UNC13D: variants seen among roughly 807,000 people sequenced by gnomAD.
UNC13D encodes unc-13 homolog D, also known as protein unc-13 homolog D.
UNC13D carries 115 observed loss-of-function variants against 151.7 expected under a neutral mutation model. The ratio of observed to expected loss-of-function variants is 0.76; its 90% CI spans 0.65 to 0.88. The LOEUF (loss-of-function observed/expected upper bound fraction) is 0.88. Among genes scored for constraint, UNC13D ranks in the 40% least tolerant of loss-of-function variants. UNC13D has a pLI of 0.00. For synonymous variants in UNC13D, 588 were observed against 612.2 expected, an observed-to-expected ratio of 0.96 and a Z score of 0.58; for missense variants, 1,369 against 1,438.7, an observed-to-expected ratio of 0.95 and a Z score of 0.78.
Position 75,833,262 on chromosome 17 carries a change from C to G in UNC13D, c.2368-217G>C. Reference sequence around the variant, plus strand: ...CTGGCCTCCTCTACAGCCCTGGAACCTTCCAGGCATGGTCCTGCCTCAGGG... The same window carrying G: ...CTGGCCTCCTCTACAGCCCTGGAACGTTCCAGGCATGGTCCTGCCTCAGGG... On this transcript the variant is annotated intron_variant, in intron 24 of 31. Coordinates refer to ENST00000207549, the MANE Select transcript of UNC13D (RefSeq NM_199242.3). This position sits in a 1 kb window ranked among gnomAD's most constrained non-coding sequence, Gnocchi z 4.0. 1 of 488,078 alleles carries G rather than the reference C, an allele frequency of 2.0e-6. No individual in the cohort carries two copies. The highest frequency in any genetic ancestry group is 3.2e-5 in the Admixed American group (1 of 31,358). The allele number at this position is 488,078 out of a possible 1,614,324, so 30.2% of individuals were successfully genotyped here. A position where few individuals can be genotyped will look rare whatever the true frequency, so the allele number is the denominator to read the frequency against.
chr17:75,829,715 C>T (rs1167664890), intron 30 of UNC13D: 16 of 351,060 alleles, frequency 4.6e-5, no homozygotes, highest in Non-Finnish European at 7.7e-5. Flanking sequence ...CTCAGCCTCC[C>T]GAGTAGCTGA....
rs1237420240 is a variant in UNC13D, at chr17:75,836,777, T to C, written c.1173+24A>G. ...CCTTCCCTGAGCCCTGCCTGCTCAG[T>C]GCCCCTTGCCACTGCATGCCTACCT... On this transcript the variant is annotated intron_variant, in intron 13 of 31. Transcript: ENST00000207549. The C allele has an allele frequency of 4.3e-6, 7 of 1,613,540 alleles. No individual in the cohort carries two copies. In the Admixed American group the frequency reaches 6.7e-5, roughly 15 times the overall value.
chr17:75,831,212 G>A (rs765733217), intron 26 of UNC13D, 31 bp downstream of exon 26: 31 of 1,614,002 alleles, frequency 1.9e-5, no homozygotes, highest in Non-Finnish European at 2.5e-5. Flanking sequence ...CCTCCCACCA[G>A]GGTTATCATT....
chr17:75,841,511 G>A (rs1267477307), intron 6 of UNC13D, among the ~76,000 whole-genome samples: 5 of 134,164 alleles, frequency 3.7e-5, no homozygotes, highest in South Asian at 2.4e-4. Context: ...GCGTGATCTC[G>A]GCTCACTGCA....
intron 25 of UNC13D, chr17:75,831,638 G>A (rs2064873430): frequency 4.1e-6 from 2 of 489,630 alleles, no homozygotes; most frequent in African/African-American, 1.9e-5. Flanking sequence ...AGACAGGGAG[G>A]AGGCCAGGCC....
chr17:75,842,050 T>C (rs1394677658), intron 6 of UNC13D, among the ~76,000 whole-genome samples: 1 of 152,036 alleles, frequency 6.6e-6, no homozygotes, highest in Non-Finnish European at 1.5e-5. Context: ...CCCGGCCTTT[T>C]TTGTATTTTT....
At chr17:75,843,996 T>C in intron 1 of UNC13D, 1 of 1,419,346 alleles carries the variant, frequency 7.0e-7, no homozygotes. Flanking sequence ...GGAGGGGTTC[T>C]GAGAGCCTCA....
chr17:75,833,302 G>A lies in UNC13D; in HGVS notation c.2368-257C>T, dbSNP rs371630516. The A allele has an allele frequency of 8.5e-5, 31 of 364,854 alleles. No individual in the cohort carries two copies. The highest frequency in any genetic ancestry group is 5.9e-4 in the South Asian group (16 of 27,114). The allele number at this position is 364,854 out of a possible 1,614,324, so 22.6% of individuals were successfully genotyped here. A position where few individuals can be genotyped will look rare whatever the true frequency, so the allele number is the denominator to read the frequency against. On this transcript the variant is annotated intron_variant, in intron 24 of 31. Coordinates refer to ENST00000207549, the MANE Select transcript of UNC13D (RefSeq NM_199242.3). The surrounding 1 kb of genome is among the most constrained non-coding windows in gnomAD (Gnocchi z 4.0). ...CTGCCTCAGGGTCTCTGCCCTTGCC[G>A]TTCCCTCTGCCTGGAATGCTCCTCC...
chr17:75,830,255 G>A, intron 29 of UNC13D, 104 bp from the exon 30 acceptor site: 1 of 1,554,940 alleles, frequency 6.4e-7, no homozygotes, highest in East Asian at 2.4e-5. Context: ...GGTAACTGGA[G>A]GAAATGCACC....
chr17:75,828,749 C>A (rs1042162693), intron 31 of UNC13D, 38 bp downstream of exon 31: 198 of 1,491,318 alleles, frequency 1.3e-4, no homozygotes, highest in Non-Finnish European at 1.7e-4. Context: ...TTTACAGGCT[C>A]CCGTCCCCGC....
At chr17:75,842,411 G>A (rs200215391) in intron 6 of UNC13D, 22 bp downstream of exon 6, 302 of 1,603,288 alleles carry the variant, frequency 1.9e-4, no homozygotes, top group Admixed American at 3.7e-4. Context: ...GATAGAGTGG[G>A]GGCTGGAGCA....
In UNC13D at chr17:75,833,051, G is replaced by C. The variant is rs776391631; in HGVS notation, c.2368-6C>G. On this transcript the variant is annotated splice_region_variant and splice_polypyrimidine_tract_variant and intron_variant, in intron 24 of 31. Transcript: ENST00000207549. The surrounding 1 kb of genome is among the most constrained non-coding windows in gnomAD (Gnocchi z 4.0). ...TTCATCAGGGGCAGAATGGCCTGGGGAGGGAGATGGGGAGCAGGTGTGGCT... is the reference window on the plus strand; with the variant it reads ...TTCATCAGGGGCAGAATGGCCTGGGCAGGGAGATGGGGAGCAGGTGTGGCT... The C allele has an allele frequency of 6.2e-7, 1 of 1,602,298 alleles. No homozygotes were observed. Among genetic ancestry groups the C allele is most frequent in the Non-Finnish European group, 8.5e-7 (1 of 1,175,478 alleles).
chr17:75,830,222 G>A, intron 29 of UNC13D, 71 bp from the exon 30 acceptor site: 2 of 1,559,988 alleles, frequency 1.3e-6, no homozygotes, highest in Non-Finnish European at 1.7e-6. Flanking sequence ...GCTATGCTCT[G>A]CTCAGCGGCA....
At position 75,842,507 on chromosome 17, in the gene UNC13D, G is replaced by T. The variant is rs1228492188; in HGVS notation, c.495C>A (p.Ile165=). 1.2e-5 allele frequency: 19 copies of T among 1,613,230 alleles called. No homozygotes were observed. Among genetic ancestry groups the T allele is most frequent in the Non-Finnish European group, 1.5e-5 (18 of 1,179,970 alleles). ...GCGTGCGGTGGGTCTCCTCCTCGGG[G>T]ATGGTGTGCCTCACCACAGCCTTCT... is the stretch of plus-strand genomic sequence containing the variant. ...HRQKAVVRHT[I]PEEETHRTQV... The change falls in exon 6 of 32, where the codon ATC becomes ATA. Residue 165 remains isoleucine (I), a synonymous_variant. Transcript: ENST00000207549.
Position 75,834,779 on chromosome 17 carries a change from G to A in UNC13D, c.1993-63C>T, listed in dbSNP as rs896047443. On this transcript the variant is annotated intron_variant, in intron 21 of 31. Transcript: ENST00000207549. ...TGGGGCATCCAGGAAGGGCAGGTGG[G>A]AGGGCATGGGAATTTCAGCGACTTG... 2.2e-5 allele frequency: 35 copies of A among 1,607,182 alleles called. No homozygotes were observed. In the Admixed American group the frequency reaches 3.3e-4, roughly 15 times the overall value.
rs1555599215 is a variant in UNC13D at position 75,827,489 on chromosome 17, T to C, written c.*476A>G. On this transcript the variant is annotated 3_prime_UTR_variant, in exon 32 of 32. Transcript: ENST00000207549. Reference sequence around the variant, plus strand: ...CCCCCTCTAGTAATGGCCACCACCCTCCCCCCAGGGCAGCTGGAGCCTCAT... The same window carrying C: ...CCCCCTCTAGTAATGGCCACCACCCCCCCCCCAGGGCAGCTGGAGCCTCAT... The C allele has an allele frequency of 6.7e-7, 1 of 1,492,522 alleles. No individual in the cohort carries two copies. Among genetic ancestry groups the C allele is most frequent in the South Asian group, 1.3e-5 (1 of 78,940 alleles). 92.5% of individuals were successfully genotyped at this position (1,492,522 alleles called of 1,614,324 possible). A position where few individuals can be genotyped will look rare whatever the true frequency, so the allele number is the denominator to read the frequency against.
rs1471808316 is a variant in UNC13D, at chr17:75,841,055, C to T, written c.570-54G>A. ...GCCCTGGAGGGTGGATGCCCCCAGA[C>T]GAAGCAGTAAGTGACCACAGCCCAG... On this transcript the variant is annotated intron_variant, in intron 6 of 31. Transcript: ENST00000207549. 54 of 1,608,076 alleles carry T rather than the reference C, an allele frequency of 3.4e-5. No homozygotes were observed. In the Middle Eastern group the frequency reaches 1.2e-3, roughly 35 times the overall value.
Position 75,844,272 on chromosome 17 carries a change from C to T in UNC13D, c.66G>A (p.Arg22=). 1 of 1,612,822 alleles carries T rather than the reference C, an allele frequency of 6.2e-7. No homozygotes were observed. The highest frequency in any genetic ancestry group is 2.2e-5 in the East Asian group (1 of 44,876). Residue 22 remains arginine (R), a synonymous_variant, in exon 1 of 32, where the codon AGG becomes AGA. Coordinates refer to ENST00000207549, the MANE Select transcript of UNC13D (RefSeq NM_199242.3). Reference sequence around the variant, plus strand: ...CCTGTAGATCTCTGACTCTGCGGCGCCTTATCTTGATGGCCTGGCGCAAGA... The same window carrying T: ...CCTGTAGATCTCTGACTCTGCGGCGTCTTATCTTGATGGCCTGGCGCAAGA... ...PPFLRQAIKI[R]RRRVRDLQDP...
intron 5 of UNC13D, 77 bp from the exon 6 acceptor site, chr17:75,842,690 G>A (rs555675100): frequency 2.1e-5 from 34 of 1,605,444 alleles, no homozygotes; most frequent in Middle Eastern, 3.9e-4. Context: ...ACCCCCGCCC[G>A]GGGCTGAGCC....
Sources: allele counts gnomAD v4.1 joint callset (sites outside exome capture counted in the v4.1 genomes callset), GRCh38; gene constraint gnomAD v4.1.1; non-coding constraint Gnocchi (gnomAD v3.1); transcripts MANE v1.5; gene names NCBI Gene and HGNC (gene_info 2026-07-23, HGNC 2026-07-21).